The following PHLPP1 variants were observed in gnomAD, a reference collection of about 807,000 sequenced individuals.
The protein encoded by PHLPP1 is PH domain and leucine rich repeat protein phosphatase 1, also known as PH domain leucine-rich repeat-containing protein phosphatase 1.
PHLPP1 carries 42 observed loss-of-function variants against 117.2 expected under a neutral mutation model. The ratio of observed to expected loss-of-function variants is 0.36; its 90% CI spans 0.28 to 0.46. The LOEUF (loss-of-function observed/expected upper bound fraction) is 0.46, where lower values mean the gene tolerates loss of function less well. Among genes scored for constraint, PHLPP1 ranks in the 20% least tolerant of loss-of-function variants. PHLPP1 has a pLI of 1.00. For synonymous variants in PHLPP1, 1,042 were observed against 970.7 expected (o/e 1.07, Z -1.37); for missense variants, 2,084 against 2,241.9 (o/e 0.93, Z 1.42).
chr18:62,768,709 T>G (rs1276835798), intron 1 of PHLPP1, among the ~76,000 whole-genome samples: 1 of 152,170 alleles, frequency 6.6e-6, no homozygotes, highest in African/African-American at 2.4e-5. Context: ...CTCTAGGCAT[T>G]CTCAGTGACA....
intron 10 of PHLPP1, among the ~76,000 whole-genome samples, chr18:62,923,618 C>T (rs569718359): frequency 6.6e-6 from 1 of 152,050 alleles, no homozygotes; most frequent in African/African-American, 2.4e-5. Context: ...CAAATTATTG[C>T]CTTTAAAGGT....
Position 62,771,772 on chromosome 18 carries a change from T to C in PHLPP1, c.1576+54513T>C, listed in dbSNP as rs144168378. On this transcript the variant is annotated intron_variant, in intron 1 of 16. Transcript: ENST00000262719. ...AGACATCTCTCTTTGATTTTAAAAATTGATATGATTGATACCTTCTTCTGT... is the reference window on the plus strand; with the variant it reads ...AGACATCTCTCTTTGATTTTAAAAACTGATATGATTGATACCTTCTTCTGT... Among the ~76,000 whole-genome samples the C allele has an allele frequency of 5.9e-4, 90 of 152,344 alleles. 1 individual carries two copies. The East Asian group carries it at 0.016, about 26-fold the overall frequency.
intron 9 of PHLPP1, among the ~76,000 whole-genome samples, chr18:62,917,396 T>TGTGTGTGTGTGTGTGTGTGTGTG (rs1909321733): frequency 1.4e-5 from 2 of 141,440 alleles, no homozygotes; most frequent in Non-Finnish European, 3.1e-5. Context: ...ACAGTATTCT[T>TGTGTGTGTGTGTGTGTGTGTGTG]TGTGTGTGTG....
At chr18:62,742,582 C>T (rs569063366) in intron 1 of PHLPP1, among the ~76,000 whole-genome samples, 1 of 152,208 alleles carries the variant, frequency 6.6e-6, no homozygotes, top group Admixed American at 6.5e-5. Context: ...ACTGCAGGTG[C>T]CCACCGCCAT....
chr18:62,754,039 G>C (rs1030053835), intron 1 of PHLPP1, among the ~76,000 whole-genome samples: 2 of 152,138 alleles, frequency 1.3e-5, no homozygotes, highest in African/African-American at 4.8e-5. Flanking sequence ...TAGCCCTTCA[G>C]CTTGTAGTTC....
intron 1 of PHLPP1, among the ~76,000 whole-genome samples, chr18:62,823,042 G>A (rs1343164542): frequency 2.6e-5 from 4 of 152,102 alleles, no homozygotes; most frequent in African/African-American, 4.8e-5. Context: ...ATTGATCATA[G>A]ACTTAAATGT....
chr18:62,816,837 C>T (rs1859858842), intron 1 of PHLPP1, among the ~76,000 whole-genome samples: 1 of 152,104 alleles, frequency 6.6e-6, no homozygotes, highest in African/African-American at 2.4e-5. Context: ...TTAAATAAGA[C>T]ATCATTTCTG....
intron 1 of PHLPP1, among the ~76,000 whole-genome samples, chr18:62,775,645 G>C (rs1451874439): frequency 6.6e-6 from 1 of 152,184 alleles, no homozygotes; most frequent in South Asian, 2.1e-4. Flanking sequence ...TTTTTATCTC[G>C]ACTAATGACA....
chr18:62,948,071 C>T lies in PHLPP1; in HGVS notation c.3324+2800C>T, dbSNP rs542749113. Among the ~76,000 whole-genome samples, 11 of 151,470 alleles carry T rather than the reference C, an allele frequency of 7.3e-5. No individual in the cohort carries two copies. The South Asian group carries it at 2.1e-3, about 29-fold the overall frequency. On this transcript the variant is annotated intron_variant, in intron 12 of 16. Coordinates refer to ENST00000262719, the MANE Select transcript of PHLPP1 (RefSeq NM_194449.4). ...TACAAATAGAAATTCAGGCCAGGCA[C>T]GGCAGCTCCTTGGGAGACTGAGGCA... is the stretch of plus-strand genomic sequence containing the variant.
chr18:62,850,835 G>A (rs1056816677), intron 3 of PHLPP1, among the ~76,000 whole-genome samples: 4 of 152,148 alleles, frequency 2.6e-5, no homozygotes, highest in African/African-American at 7.2e-5. Context: ...ACTTTTGGCC[G>A]CATGATGAGC....
chr18:62,943,123 G>A (rs184861834), intron 11 of PHLPP1, among the ~76,000 whole-genome samples: 2 of 152,196 alleles, frequency 1.3e-5, no homozygotes, highest in Non-Finnish European at 2.9e-5. Flanking sequence ...CTCTAATTCT[G>A]AGGATATACC....
chr18:62,945,382 G>A, intron 12 of PHLPP1, 111 bp downstream of exon 12: 1 of 866,668 alleles, frequency 1.2e-6, no homozygotes, highest in South Asian at 2.1e-5. Flanking sequence ...TCAGAATGAA[G>A]GCCCCCATTA....
intron 1 of PHLPP1, among the ~76,000 whole-genome samples, chr18:62,774,242 T>C (rs1422318383): frequency 1.3e-5 from 2 of 152,206 alleles, no homozygotes; most frequent in Non-Finnish European, 2.9e-5. Flanking sequence ...TCTTTCCTGA[T>C]ACTGTTCACT....
At position 62,715,616 on chromosome 18, in the gene PHLPP1, C is replaced by A; in HGVS notation, c.-68C>A. On this transcript the variant is annotated 5_prime_UTR_variant, in exon 1 of 17. Transcript: ENST00000262719. The stretch of plus-strand genomic sequence containing the variant: ...CGCGCGCCGCCGCCGTCTCCCACCT[C>A]CGCCTCATCGCCTCCCTCTCCGCCC... The A allele has an allele frequency of 9.1e-7, 1 of 1,103,080 alleles. No individual in the cohort carries two copies. The highest frequency in any genetic ancestry group is 1.6e-5 in the African/African-American group (1 of 61,694). The allele number at this position is 1,103,080 out of a possible 1,614,324, so 68.3% of individuals were successfully genotyped here.
chr18:62,959,123 C>A (rs1459346548), intron 13 of PHLPP1, among the ~76,000 whole-genome samples: 1 of 152,044 alleles, frequency 6.6e-6, no homozygotes, highest in African/African-American at 2.4e-5. Flanking sequence ...GGAAAGAGGT[C>A]ATTGATGCTG....
Position 62,725,892 on chromosome 18 carries a change from G to C in PHLPP1, c.1576+8633G>C, listed in dbSNP as rs145238360. The stretch of plus-strand genomic sequence containing the variant: ...AGTAAAGGAACTTTTAAAAAAATGC[G>C]TAAGTACACAAGGGTAAAAATATAT... On this transcript the variant is annotated intron_variant, in intron 1 of 16. Transcript: ENST00000262719. Among the ~76,000 whole-genome samples, 193 of 152,230 alleles carry C rather than the reference G, an allele frequency of 1.3e-3. No homozygotes were observed. The Middle Eastern group carries it at 0.02, about 16-fold the overall frequency.
At chr18:62,749,479 C>T (rs551018419) in intron 1 of PHLPP1, among the ~76,000 whole-genome samples, 27 of 152,278 alleles carry the variant, frequency 1.8e-4, no homozygotes, top group East Asian at 7.7e-4. Context: ...CTGCCTTTCC[C>T]GTTGTATTAT....
At chr18:62,917,875 A>G (rs1209080341) in intron 9 of PHLPP1, among the ~76,000 whole-genome samples, 1 of 151,928 alleles carries the variant, frequency 6.6e-6, no homozygotes, top group Non-Finnish European at 1.5e-5. Flanking sequence ...AATTGATTTA[A>G]TACTCATACT....
intron 1 of PHLPP1, among the ~76,000 whole-genome samples, chr18:62,814,945 CCAAA>C (rs1431654156): frequency 6.6e-6 from 1 of 152,078 alleles, no homozygotes; most frequent in Non-Finnish European, 1.5e-5. Flanking sequence ...GTTTAAAACA[CCAAA>C]CATTTATTTC....
Sources: gnomAD v4.1 joint callset for allele counts (sites outside exome capture counted in the v4.1 genomes callset) on GRCh38, gnomAD v4.1.1 for gene constraint, MANE v1.5 for transcripts, NCBI Gene and HGNC (gene_info 2026-07-23, HGNC 2026-07-21) for gene names.